The following NRXN3 variants were observed in gnomAD, a reference collection of about 807,000 sequenced individuals.
NRXN3 encodes neurexin III.
A neutral mutation model predicts 137.6 loss-of-function variants in NRXN3; 32 were observed. The ratio of observed to expected loss-of-function variants is 0.23; its 90% CI spans 0.18 to 0.31. The LOEUF is 0.31. Ranked by LOEUF, NRXN3 falls within the 10% of genes least tolerant of loss-of-function variation. The pLI, the probability that NRXN3 is intolerant of heterozygous loss-of-function variation, is 1.00. For synonymous variants in NRXN3, 798 were observed against 784.5 expected (o/e 1.02, Z -0.29); for missense variants, 1,574 against 2,062.5 (o/e 0.76, Z 4.59).
At chr14:78,689,898 C>T (rs2098156296) in intron 6 of NRXN3, among the ~76,000 whole-genome samples, 1 of 151,612 alleles carries the variant, frequency 6.6e-6, no homozygotes, top group Non-Finnish European at 1.5e-5. Context: ...TTCCTTCTGG[C>T]TGTCCATCCT....
chr14:79,574,602 TC>T (rs774643550), intron 16 of NRXN3, among the ~76,000 whole-genome samples: 2 of 152,120 alleles, frequency 1.3e-5, no homozygotes, highest in African/African-American at 2.4e-5. Flanking sequence ...CCCATGGGCC[TC>T]TCCACAGAGC....
At chr14:79,386,306 A>G (rs574520309) in intron 15 of NRXN3, among the ~76,000 whole-genome samples, 95 of 152,296 alleles carry the variant, frequency 6.2e-4, no homozygotes, top group Admixed American at 1.5e-3. Context: ...CTTATATACC[A>G]ATAACAGACA....
chr14:79,650,407 A>AT (rs1384715451), intron 16 of NRXN3, among the ~76,000 whole-genome samples: 3 of 152,040 alleles, frequency 2.0e-5, no homozygotes, highest in South Asian at 2.1e-4. Context: ...AGCGATCTAT[A>AT]TTTTTTTAAA....
chr14:79,516,444 C>T (rs943453164), intron 16 of NRXN3, among the ~76,000 whole-genome samples: 2 of 152,170 alleles, frequency 1.3e-5, no homozygotes, highest in African/African-American at 4.8e-5. Flanking sequence ...GTTCAGAAAG[C>T]TGCAAGGTAT....
In NRXN3 at chr14:79,120,062, A is replaced by G. The variant is rs117601830; in HGVS notation, c.3262+131921A>G. Among the ~76,000 whole-genome samples, 352 of 152,258 alleles carry G rather than the reference A, an allele frequency of 2.3e-3. 1 individual carries two copies. The highest frequency in any genetic ancestry group is 3.9e-3 in the Non-Finnish European group (264 of 67,984). On this transcript the variant is annotated intron_variant, in intron 15 of 20. Coordinates refer to ENST00000335750, the MANE Select transcript of NRXN3 (RefSeq NM_001330195.2). The stretch of plus-strand genomic sequence containing the variant: ...TTTTTCACAAACTTAGCTTGTTTTA[A>G]TCAACAGTAAAAATGAAGAGTGATG...
At chr14:79,384,730 C>T (rs1250962209) in intron 15 of NRXN3, among the ~76,000 whole-genome samples, 1 of 152,134 alleles carries the variant, frequency 6.6e-6, no homozygotes, top group Non-Finnish European at 1.5e-5. Context: ...CTTAAATGTT[C>T]ACCTACACTC....
intron 2 of NRXN3, among the ~76,000 whole-genome samples, chr14:78,262,467 G>A (rs1239536947): frequency 6.6e-6 from 1 of 152,080 alleles, no homozygotes; most frequent in South Asian, 2.1e-4. Context: ...TAAAAATGAA[G>A]GGCTGCTGGG....
chr14:79,070,942 A>T (rs374014238), intron 15 of NRXN3, among the ~76,000 whole-genome samples: 5 of 152,298 alleles, frequency 3.3e-5, no homozygotes, highest in African/African-American at 1.2e-4. Context: ...CAGTTTAACG[A>T]TGTAGCCGTA....
At chr14:78,259,131 C>CAAA (rs138126967) in intron 2 of NRXN3, among the ~76,000 whole-genome samples, 19 of 93,124 alleles carry the variant, frequency 2.0e-4, no homozygotes, top group African/African-American at 6.9e-4. Context: ...GACTCCATCT[C>CAAA]AAAAAAAAAA....
chr14:78,795,716 T>C (rs1373764246), intron 8 of NRXN3, among the ~76,000 whole-genome samples: 2 of 152,164 alleles, frequency 1.3e-5, no homozygotes, highest in Non-Finnish European at 2.9e-5. Flanking sequence ...AACTCTGGAA[T>C]GGGTGGGAAA....
chr14:79,592,890 A>C (rs1240165081), intron 16 of NRXN3, among the ~76,000 whole-genome samples: 3 of 152,232 alleles, frequency 2.0e-5, no homozygotes, highest in Non-Finnish European at 4.4e-5. Flanking sequence ...TGAAGCCTAC[A>C]AGTTTCCAGC....
intron 4 of NRXN3, among the ~76,000 whole-genome samples, chr14:78,376,040 A>G (rs1393742045): frequency 1.3e-5 from 2 of 148,820 alleles, no homozygotes; most frequent in East Asian, 3.9e-4. Flanking sequence ...ACACACACTC[A>G]TTCTCCTAAA....
At chr14:78,377,251 A>T (rs963074991) in intron 4 of NRXN3, among the ~76,000 whole-genome samples, 1 of 152,234 alleles carries the variant, frequency 6.6e-6, no homozygotes, top group African/African-American at 2.4e-5. Flanking sequence ...TTGAAAGAAA[A>T]TAGGAGTGAT....
chr14:78,487,664 C>T (rs1313719330), intron 4 of NRXN3, among the ~76,000 whole-genome samples: 1 of 151,812 alleles, frequency 6.6e-6, no homozygotes, highest in Non-Finnish European at 1.5e-5. Flanking sequence ...ATCGCTTGAA[C>T]CCAGGAGGCA....
At chr14:79,459,666 AT>A (rs988551965) in intron 15 of NRXN3, among the ~76,000 whole-genome samples, 3 of 152,066 alleles carry the variant, frequency 2.0e-5, no homozygotes, top group African/African-American at 7.2e-5. Context: ...CAAGTGAAAA[AT>A]ATAGAGTTTT....
chr14:78,188,414 A>G (rs1309478166), intron 1 of NRXN3, among the ~76,000 whole-genome samples: 1 of 152,214 alleles, frequency 6.6e-6, no homozygotes, highest in Non-Finnish European at 1.5e-5. Flanking sequence ...TTAGGGATAC[A>G]GTACTGTGTT....
At chr14:79,302,067 T>C (rs1188829072) in intron 15 of NRXN3, among the ~76,000 whole-genome samples, 1 of 151,990 alleles carries the variant, frequency 6.6e-6, no homozygotes, top group East Asian at 1.9e-4. Flanking sequence ...CATGCATGGG[T>C]GTTTCTCTCT....
At chr14:79,563,663 TAAAA>T (rs5809943) in intron 16 of NRXN3, among the ~76,000 whole-genome samples, 1 of 142,192 alleles carries the variant, frequency 7.0e-6, no homozygotes. Context: ...CAAATAATGT[TAAAA>T]AAAAAAAAAA....
chr14:78,846,980 T>C (rs1000664606), intron 10 of NRXN3, among the ~76,000 whole-genome samples: 1 of 152,094 alleles, frequency 6.6e-6, no homozygotes, highest in Non-Finnish European at 1.5e-5. Context: ...TGTTGATACT[T>C]GGGTACTTGT....
Sources: allele counts gnomAD v4.1 joint callset (sites outside exome capture counted in the v4.1 genomes callset), GRCh38; gene constraint gnomAD v4.1.1; transcripts MANE v1.5; gene names NCBI Gene and HGNC (gene_info 2026-07-23, HGNC 2026-07-21).